The following LHFPL3 variants were observed in gnomAD, a reference collection of about 807,000 sequenced individuals.
LHFPL3 encodes the protein LHFPL tetraspan subfamily member 3, also known as LHFPL tetraspan subfamily member 3 protein.
LHFPL3 carries 5 observed loss-of-function variants against 19.3 expected under a neutral mutation model. That is an observed-to-expected ratio of 0.26 (90% confidence interval 0.14 to 0.54). The LOEUF (loss-of-function observed/expected upper bound fraction) is 0.54. Ranked by LOEUF, LHFPL3 falls within the 20% of genes least tolerant of loss-of-function variation. The probability of loss-of-function intolerance (pLI) is 0.94; values close to 1 mark genes in which losing one functional copy is unlikely to be tolerated. For missense variants in LHFPL3, 249 were observed against 307.4 expected (o/e 0.81, Z 1.42); for synonymous variants, 133 against 126.2 (o/e 1.05, Z -0.36).
At chr7:104,576,536 C>T (rs1790342009) in intron 1 of LHFPL3, among the ~76,000 whole-genome samples, 1 of 152,184 alleles carries the variant, frequency 6.6e-6, no homozygotes. Context: ...TCCAGACTAT[C>T]TAAACAAAGA....
At chr7:104,644,484 C>T (rs1202153151) in intron 1 of LHFPL3, among the ~76,000 whole-genome samples, 1 of 152,208 alleles carries the variant, frequency 6.6e-6, no homozygotes, top group Admixed American at 6.5e-5. Context: ...GATGCATTGG[C>T]AGCATCCATG....
chr7:104,729,335 C>G lies in LHFPL3; in HGVS notation c.446-7340C>G, dbSNP rs547959800. On this transcript the variant is annotated intron_variant, in intron 1 of 2. Transcript: ENST00000424859. ...TTAAAACAGAATAGTATATCCATCA[C>G]CTCATACATTTATCATTTCTTTGTG... Among the ~76,000 whole-genome samples the G allele has an allele frequency of 3.3e-5, 5 of 152,154 alleles. No individual in the cohort carries two copies. In the South Asian group the frequency reaches 8.3e-4, roughly 25 times the overall value.
chr7:104,668,585 T>C (rs1471662140), intron 1 of LHFPL3: 7 of 1,612,540 alleles, frequency 4.3e-6, no homozygotes, highest in South Asian at 1.1e-5. Context: ...CATTTGGCAG[T>C]GGGTATCGCA....
chr7:104,438,542 T>C (rs564474289), intron 1 of LHFPL3, among the ~76,000 whole-genome samples: 2 of 152,330 alleles, frequency 1.3e-5, no homozygotes, highest in East Asian at 3.9e-4. Flanking sequence ...TTTAAACTGA[T>C]AATGAAAATA....
intron 1 of LHFPL3, among the ~76,000 whole-genome samples, chr7:104,681,880 A>G (rs1443829710): frequency 6.6e-6 from 1 of 152,182 alleles, no homozygotes; most frequent in Non-Finnish European, 1.5e-5. Flanking sequence ...ACATTCTCAT[A>G]TATGTCCATG....
intron 1 of LHFPL3, among the ~76,000 whole-genome samples, chr7:104,418,596 A>T (rs1009657483): frequency 6.6e-6 from 1 of 152,160 alleles, no homozygotes; most frequent in African/African-American, 2.4e-5. Context: ...GAAATGAGAA[A>T]ATTTGCTGAG....
At chr7:104,628,193 T>C (rs1791580804) in intron 1 of LHFPL3, among the ~76,000 whole-genome samples, 1 of 152,168 alleles carries the variant, frequency 6.6e-6, no homozygotes, top group African/African-American at 2.4e-5. Flanking sequence ...ATTCCTGCTC[T>C]ACATCAGTGC....
chr7:104,868,739 T>C (rs1373772193), intron 2 of LHFPL3, among the ~76,000 whole-genome samples: 1 of 152,100 alleles, frequency 6.6e-6, no homozygotes. Flanking sequence ...AAAGTTCATA[T>C]AGAACCAAAA....
chr7:104,480,148 A>G (rs577571517), intron 1 of LHFPL3, among the ~76,000 whole-genome samples: 6 of 152,324 alleles, frequency 3.9e-5, no homozygotes, highest in African/African-American at 1.2e-4. Flanking sequence ...GACAGACCCC[A>G]GTGTGAATCC....
chr7:104,769,563 C>A (rs1342970370), intron 2 of LHFPL3, among the ~76,000 whole-genome samples: 1 of 152,124 alleles, frequency 6.6e-6, no homozygotes, highest in East Asian at 1.9e-4. Flanking sequence ...CACCCATCAA[C>A]CCGTCATCTA....
chr7:104,907,096 T>A lies in LHFPL3; in HGVS notation c.*881T>A, dbSNP rs1175387809. 2 of 152,550 alleles carry A rather than the reference T, an allele frequency of 1.3e-5. No individual in the cohort carries two copies. The highest frequency in any genetic ancestry group is 4.8e-5 in the African/African-American group (2 of 41,446). The allele number at this position is 152,550 out of a possible 1,614,324, so 9.4% of individuals were successfully genotyped here. A position where few individuals can be genotyped will look rare whatever the true frequency, so the allele number is the denominator to read the frequency against. On this transcript the variant is annotated 3_prime_UTR_variant, in exon 3 of 3. Coordinates refer to ENST00000424859, the MANE Select transcript of LHFPL3 (RefSeq NM_199000.3). Reference sequence around the variant, plus strand: ...ATCAAATAAACACTTTTTTTCTAATTCTCCCTAGTATATGCATAGGAATTT... The same window carrying A: ...ATCAAATAAACACTTTTTTTCTAATACTCCCTAGTATATGCATAGGAATTT...
At chr7:104,496,570 G>C in intron 1 of LHFPL3, among the ~76,000 whole-genome samples, 1 of 152,134 alleles carries the variant, frequency 6.6e-6, no homozygotes, top group Admixed American at 6.5e-5. Flanking sequence ...GGTTGAACTA[G>C]TTTACAGTCC....
At chr7:104,727,229 C>G (rs1423391743) in intron 1 of LHFPL3, among the ~76,000 whole-genome samples, 2 of 152,026 alleles carry the variant, frequency 1.3e-5, no homozygotes, top group Admixed American at 1.3e-4. Context: ...AAATATTAGG[C>G]CTTTGTCAGA....
chr7:104,626,738 G>A (rs951650015), intron 1 of LHFPL3, among the ~76,000 whole-genome samples: 2 of 152,194 alleles, frequency 1.3e-5, no homozygotes, highest in African/African-American at 2.4e-5. Context: ...GATTTAGGGT[G>A]AGCAGGCTTA....
chr7:104,624,223 G>A (rs556274470), intron 1 of LHFPL3, among the ~76,000 whole-genome samples: 51 of 152,228 alleles, frequency 3.4e-4, no homozygotes, highest in Admixed American at 5.2e-4. Flanking sequence ...AAACACGAGC[G>A]TCTATCTCCA....
In LHFPL3 at chr7:104,631,919, T is replaced by C. The variant is rs140413213; in HGVS notation, c.446-104756T>C. On this transcript the variant is annotated intron_variant, in intron 1 of 2. Transcript: ENST00000424859. ...GGAAGAAACCTTCAGGAATAAGTTA[T>C]GGGAAGGAAAACTGAGGATTAAATA... Among the ~76,000 whole-genome samples the C allele has an allele frequency of 4.6e-5, 7 of 152,238 alleles. No homozygotes were observed. The East Asian group carries it at 1.3e-3, about 29-fold the overall frequency.
intron 1 of LHFPL3, among the ~76,000 whole-genome samples, chr7:104,396,175 A>G (rs917717845): frequency 3.9e-5 from 6 of 152,192 alleles, no homozygotes; most frequent in African/African-American, 1.4e-4. Flanking sequence ...AGAGGGACCA[A>G]CTGTCTTGTA....
intron 1 of LHFPL3, among the ~76,000 whole-genome samples, chr7:104,517,847 G>A (rs2115794518): frequency 6.6e-6 from 1 of 151,920 alleles, no homozygotes; most frequent in South Asian, 2.1e-4. Context: ...ACTTATTTTT[G>A]TGAGCAACAC....
intron 1 of LHFPL3, among the ~76,000 whole-genome samples, chr7:104,465,468 TA>T: frequency 6.6e-6 from 1 of 152,218 alleles, no homozygotes; most frequent in Non-Finnish European, 1.5e-5. Context: ...ATGCTGCTAA[TA>T]AAGACATACC....
Sources: gnomAD v4.1 joint callset for allele counts (sites outside exome capture counted in the v4.1 genomes callset) on GRCh38, gnomAD v4.1.1 for gene constraint, MANE v1.5 for transcripts, NCBI Gene and HGNC (gene_info 2026-07-23, HGNC 2026-07-21) for gene names.